AGBL1: variants seen among roughly 807,000 people sequenced by gnomAD.
AGBL1 encodes the protein cytosolic carboxypeptidase 4.
Under a neutral mutation model 118.9 loss-of-function variants are expected in AGBL1, and 130 were observed. The ratio of observed to expected loss-of-function variants is 1.09; its 90% CI spans 0.95 to 1.26. The LOEUF is 1.26. Ranked by LOEUF, AGBL1 falls within the 50% of genes most tolerant of loss-of-function variation. The pLI is 0.00. For synonymous variants in AGBL1, 555 were observed against 478.9 expected, an observed-to-expected ratio of 1.16 and a Z score of -2.08; for missense variants, 1,584 against 1,298.1, an observed-to-expected ratio of 1.22 and a Z score of -3.38.
At chr15:86,948,130 G>GAGGCTAAC (rs2080844676) in intron 23 of AGBL1, among the ~76,000 whole-genome samples, 1 of 152,138 alleles carries the variant, frequency 6.6e-6, no homozygotes, top group Admixed American at 6.5e-5. Flanking sequence ...GAGTTAGCAT[G>GAGGCTAAC]TGCAGTGACA....
At chr15:86,081,373 C>T (rs1895273542) in intron 1 of AGBL1, among the ~76,000 whole-genome samples, 1 of 152,064 alleles carries the variant, frequency 6.6e-6, no homozygotes, top group Non-Finnish European at 1.5e-5. Context: ...GATTTGTATT[C>T]CTGAAAGTTT....
At chr15:86,601,013 C>G (rs932638754) in intron 21 of AGBL1, among the ~76,000 whole-genome samples, 4 of 152,124 alleles carry the variant, frequency 2.6e-5, no homozygotes, top group Admixed American at 1.3e-4. Context: ...TCAAACTTCT[C>G]TTTTTGCAAA....
At chr15:86,270,156 T>C in intron 14 of AGBL1, 89 bp downstream of exon 14, 1 of 1,484,164 alleles carries the variant, frequency 6.7e-7, no homozygotes, top group South Asian at 1.4e-5. Flanking sequence ...TTTGCTTGGG[T>C]TCAGAGGGTT....
intron 17 of AGBL1, among the ~76,000 whole-genome samples, chr15:86,341,814 G>A (rs77265084): frequency 0.012 from 1,793 of 152,154 alleles, 49 homozygotes; most frequent in African/African-American, 0.04. Context: ...TTGTGAGTAG[G>A]CCACTTGAGT....
intron 21 of AGBL1, among the ~76,000 whole-genome samples, chr15:86,651,324 A>T (rs1249627949): frequency 6.6e-6 from 1 of 152,214 alleles, no homozygotes; most frequent in African/African-American, 2.4e-5. Flanking sequence ...CTAACTAGTT[A>T]TAATTTTCTA....
intron 17 of AGBL1, among the ~76,000 whole-genome samples, chr15:86,319,488 C>T (rs1285172617): frequency 6.6e-6 from 1 of 152,044 alleles, no homozygotes; most frequent in Admixed American, 6.6e-5. Flanking sequence ...TCCTCCCTCC[C>T]CCCACATTTT....
In AGBL1 at chr15:86,639,573, A is replaced by T. The variant is rs140269476; in HGVS notation, c.2995-34700A>T. On this transcript the variant is annotated intron_variant, in intron 21 of 22. Transcript: ENST00000614907. ...CCAGTTTTTCCCTCCCATCTACTTA[A>T]CTCATAAACTACACTTGGGTTGCTC... 8.6e-3 allele frequency among the ~76,000 whole-genome samples: 1,302 copies of T among 152,022 alleles called. 12 individuals are homozygous for T. Among genetic ancestry groups the T allele is most frequent in the Non-Finnish European group, 0.014 (928 of 67,970 alleles).
At chr15:86,830,082 G>A (rs1225529430) in intron 22 of AGBL1, among the ~76,000 whole-genome samples, 1 of 152,054 alleles carries the variant, frequency 6.6e-6, no homozygotes, top group South Asian at 2.1e-4. Context: ...TTTAGAGTTA[G>A]ATGTATTTAG....
intron 22 of AGBL1, among the ~76,000 whole-genome samples, chr15:86,718,747 G>A (rs191267532): frequency 2.9e-3 from 438 of 152,234 alleles, no homozygotes; most frequent in Non-Finnish European, 4.4e-3. Flanking sequence ...GTAGCCAGGA[G>A]GAGGCCAGGA....
intron 17 of AGBL1, among the ~76,000 whole-genome samples, chr15:86,368,582 T>C (rs2080925909): frequency 6.6e-6 from 1 of 152,168 alleles, no homozygotes; most frequent in Non-Finnish European, 1.5e-5. Flanking sequence ...GTAAATGGGA[T>C]AAATTTAATC....
intron 24 of AGBL1, among the ~76,000 whole-genome samples, chr15:86,992,733 T>G (rs2081346722): frequency 6.7e-6 from 1 of 150,216 alleles, no homozygotes; most frequent in Admixed American, 6.7e-5. Flanking sequence ...TTTTTTGTAA[T>G]GATTTTCACC....
rs10675845 is a variant in AGBL1, at chr15:86,606,126, C to CAAA, written c.2994+51604_2994+51606dup. ...TGGGTGACAGAGCAAGACTCCATCT[C>CAAA]AAAAAAAAAAAAAAAAAGAGTAAAG... On this transcript the variant is annotated intron_variant, in intron 21 of 22. Transcript: ENST00000614907. Among the ~76,000 whole-genome samples the CAAA allele has an allele frequency of 7.5e-4, 73 of 96,844 alleles. 2 individuals are homozygous for CAAA. Among genetic ancestry groups the CAAA allele is most frequent in the East Asian group, 5.4e-3 (15 of 2,778 alleles). The allele number at this position is 96,844 out of a possible 152,430, so 63.5% of individuals were successfully genotyped here. A position where few individuals can be genotyped will look rare whatever the true frequency, so the allele number is the denominator to read the frequency against.
At chr15:86,865,206 A>G (rs2079608820) in intron 22 of AGBL1, among the ~76,000 whole-genome samples, 1 of 152,222 alleles carries the variant, frequency 6.6e-6, no homozygotes, top group Non-Finnish European at 1.5e-5. Flanking sequence ...TGCAGATACA[A>G]TATTCAATTT....
chr15:86,329,641 AG>A lies in AGBL1; in HGVS notation c.2374+34234del, dbSNP rs544757882. ...TATTCCTGGACATAGATCATGGTGC[AG>A]TGGGGTCCTCTGCATTCCAAGCCAA... On this transcript the variant is annotated intron_variant, in intron 17 of 22. Coordinates refer to ENST00000614907, the MANE Select transcript of AGBL1 (RefSeq NM_001386094.1). Among the ~76,000 whole-genome samples, 613 of 151,774 alleles carry A rather than the reference AG, an allele frequency of 4.0e-3. 3 individuals are homozygous for A. Among genetic ancestry groups the A allele is most frequent in the African/African-American group, 0.014 (579 of 41,366 alleles).
intron 17 of AGBL1, among the ~76,000 whole-genome samples, chr15:86,304,279 C>T (rs2079802055): frequency 6.6e-6 from 1 of 152,144 alleles, no homozygotes; most frequent in Non-Finnish European, 1.5e-5. Flanking sequence ...ACCTAACCAC[C>T]TCCACTGGGT....
intron 23 of AGBL1, among the ~76,000 whole-genome samples, chr15:86,943,960 G>A (rs2080785540): frequency 6.6e-6 from 1 of 152,138 alleles, no homozygotes; most frequent in Admixed American, 6.5e-5. Flanking sequence ...GCTGGCACAT[G>A]GAGTACTTTT....
At chr15:86,415,102 C>A (rs919613465) in intron 18 of AGBL1, among the ~76,000 whole-genome samples, 2 of 152,154 alleles carry the variant, frequency 1.3e-5, no homozygotes, top group Admixed American at 1.3e-4. Context: ...GTGGGTACCA[C>A]TAACTGCTGG....
chr15:86,329,229 C>A (rs2080234389), intron 17 of AGBL1, among the ~76,000 whole-genome samples: 1 of 152,126 alleles, frequency 6.6e-6, no homozygotes, highest in African/African-American at 2.4e-5. Flanking sequence ...ACTTCACTCC[C>A]AGGCAGAAAT....
intron 22 of AGBL1, among the ~76,000 whole-genome samples, chr15:86,794,113 A>G (rs1434855272): frequency 6.6e-6 from 1 of 152,242 alleles, no homozygotes; most frequent in Non-Finnish European, 1.5e-5. Flanking sequence ...ATACCCAAGG[A>G]ATGGAAAACA....
Sources: gnomAD v4.1 joint callset for allele counts (sites outside exome capture counted in the v4.1 genomes callset) on GRCh38, gnomAD v4.1.1 for gene constraint, MANE v1.5 for transcripts, NCBI Gene and HGNC (gene_info 2026-07-23, HGNC 2026-07-21) for gene names.